Variants in DIXDC1 observed in about 807,000 individuals in gnomAD.
DIXDC1 encodes the protein dixin.
Under a neutral mutation model 103.1 loss-of-function variants are expected in DIXDC1, and 64 were observed. The observed-to-expected ratio is 0.62, with a 90% CI of 0.51 to 0.76. The LOEUF is 0.76. Among genes scored for constraint, DIXDC1 ranks in the 30% least tolerant of loss-of-function variants. The probability of loss-of-function intolerance (pLI) is 0.00; values close to 1 mark genes in which losing one functional copy is unlikely to be tolerated. For synonymous variants in DIXDC1, 266 were observed against 298.5 expected (o/e 0.89, Z 1.12); for missense variants, 759 against 834.2 (o/e 0.91, Z 1.11).
intron 9 of DIXDC1, among the ~76,000 whole-genome samples, chr11:111,987,384 G>A (rs587647780): frequency 6.6e-6 from 1 of 152,024 alleles, no homozygotes; most frequent in Non-Finnish European, 1.5e-5. Flanking sequence ...TGTCAGGAAG[G>A]TAATAACTTT....
chr11:111,980,246 A>G (rs1366888474), intron 5 of DIXDC1, among the ~76,000 whole-genome samples: 1 of 152,178 alleles, frequency 6.6e-6, no homozygotes, highest in Non-Finnish European at 1.5e-5. Flanking sequence ...TGATCAGCTC[A>G]GAGCTGATCT....
intron 19 of DIXDC1, among the ~76,000 whole-genome samples, chr11:112,018,535 A>G (rs1555178042): frequency 6.6e-6 from 1 of 152,224 alleles, no homozygotes; most frequent in Non-Finnish European, 1.5e-5. Flanking sequence ...GGCTTAGGAA[A>G]TGAGTTGAAT....
At position 111,964,635 on chromosome 11, in the gene DIXDC1, T is replaced by A. The variant is rs1859670562; in HGVS notation, c.147T>A (p.Asp49Glu). ...AGCCTGTGCAGGACCTGCGACAAGA[T>A]CTCCGGGATGGGGTGATCCTGGCAT... ...AVKPVQDLRQ[D>E]LRDGVILAYL... is the part of the protein sequence containing the mutation. Residue 49 changes from aspartate (D) to glutamate (E), a missense_variant, in exon 2 of 20, where the codon GAT (aspartate) becomes GAA (glutamate). By Grantham distance (45) the Asp-to-Glu change is conservative (BLOSUM62 2). Coordinates refer to ENST00000440460, the MANE Select transcript of DIXDC1 (RefSeq NM_001037954.4). 1 of 1,612,284 alleles carries A rather than the reference T, an allele frequency of 6.2e-7. No individual in the cohort carries two copies. The highest frequency in any genetic ancestry group is 1.3e-5 in the African/African-American group (1 of 74,976).
intron 17 of DIXDC1, among the ~76,000 whole-genome samples, chr11:112,008,870 G>A (rs587659565): frequency 4.3e-4 from 65 of 152,240 alleles, no homozygotes; most frequent in African/African-American, 1.4e-3. Flanking sequence ...ATCTAAAATC[G>A]ACACCTTAAC....
chr11:111,943,410 C>T lies in DIXDC1; in HGVS notation c.60+5851C>T, dbSNP rs181165888. ...CCACCTGCCTCAGCCTCCCAAAATG[C>T]TGGGATTACAGGCATGAACCACCGC... is the stretch of plus-strand genomic sequence containing the variant. On this transcript the variant is annotated intron_variant, in intron 1 of 19. Transcript: ENST00000440460. Among the ~76,000 whole-genome samples, 486 of 151,782 alleles carry T rather than the reference C, an allele frequency of 3.2e-3. 4 individuals are homozygous for T. Among genetic ancestry groups the T allele is most frequent in the Non-Finnish European group, 5.6e-3 (383 of 67,920 alleles).
chr11:111,962,071 A>G (rs1371777013), intron 1 of DIXDC1, among the ~76,000 whole-genome samples: 2 of 152,110 alleles, frequency 1.3e-5, no homozygotes. Flanking sequence ...CAGTGCCTCA[A>G]ATTATTGTTG....
chr11:112,019,021 C>G lies in DIXDC1; in HGVS notation c.2037C>G (p.Asp679Glu), dbSNP rs147021950. 2 of 1,612,454 alleles carry G rather than the reference C, an allele frequency of 1.2e-6. No individual in the cohort carries two copies. Among genetic ancestry groups the G allele is most frequent in the East Asian group, 4.5e-5 (2 of 44,858 alleles). The change falls in exon 20 of 20, where the codon GAC (aspartate) becomes GAG (glutamate). Residue 679 changes from aspartate to glutamate, a missense_variant. Physicochemically the swap from Asp to Glu is conservative, Grantham distance 45. Around this residue, in one of 3 missense-constraint regions of DIXDC1, gnomAD observed 657 missense variants for 727.5 expected, o/e 0.90. Transcript: ENST00000440460. Reference sequence around the variant, plus strand: ...AAATTGTAGCTTGGGTGGAAGAAGACCATGGAGAGAATTAATGCCAAGTAT... The same window carrying G: ...AAATTGTAGCTTGGGTGGAAGAAGAGCATGGAGAGAATTAATGCCAAGTAT... Reference protein sequence around the residue: ...EGKIVAWVEEDHGEN With the variant: ...EGKIVAWVEEEHGEN
rs1162842525 is a variant in DIXDC1, at chr11:111,993,008, A to T, written c.1272+4A>T. The T allele has an allele frequency of 6.3e-7, 1 of 1,599,752 alleles. No individual in the cohort carries two copies. Among genetic ancestry groups the T allele is most frequent in the East Asian group, 2.2e-5 (1 of 44,612 alleles). On this transcript the variant is annotated splice_donor_region_variant and intron_variant, in intron 12 of 19. Transcript: ENST00000440460. ...CCGGCTCTTGGGAGAATATAAAGTA[A>T]GAATGAATATCAGTTTGGAAATGAC...
intron 17 of DIXDC1, among the ~76,000 whole-genome samples, chr11:112,012,389 C>T (rs1165517226): frequency 6.6e-6 from 1 of 152,086 alleles, no homozygotes; most frequent in East Asian, 1.9e-4. Flanking sequence ...AGTGGAACAG[C>T]ATAGAGTTAA....
At chr11:111,937,001 GTGTGTATGTGTGTA>G (rs1966211092), upstream of DIXDC1, among the ~76,000 whole-genome samples, 1 of 151,524 alleles carries the variant, frequency 6.6e-6, no homozygotes, top group Non-Finnish European at 1.5e-5. Flanking sequence ...GTGTGTGTAT[GTGTGTATGTGTGTA>G]TGTGTGTGTG....
chr11:112,018,159 C>T (rs587712902), intron 19 of DIXDC1, among the ~76,000 whole-genome samples: 4 of 152,232 alleles, frequency 2.6e-5, no homozygotes, highest in African/African-American at 9.6e-5. Flanking sequence ...AAATAAAGAA[C>T]CTAAGACAAT....
intron 3 of DIXDC1, among the ~76,000 whole-genome samples, chr11:111,969,331 T>C (rs1174625203): frequency 2.6e-5 from 4 of 152,162 alleles, no homozygotes; most frequent in Non-Finnish European, 4.4e-5. Context: ...ATTTAAGTTA[T>C]CAAAAATGAA....
chr11:112,001,147 A>T (rs1468989957), intron 17 of DIXDC1, among the ~76,000 whole-genome samples: 4 of 152,234 alleles, frequency 2.6e-5, no homozygotes, highest in Non-Finnish European at 5.9e-5. Context: ...CCATGCTACA[A>T]CGTGGATGAA....
intron 7 of DIXDC1, among the ~76,000 whole-genome samples, chr11:111,984,492 C>T (rs1555173610): frequency 3.3e-5 from 5 of 152,076 alleles, no homozygotes; most frequent in Admixed American, 6.6e-5. Context: ...GAGCCAAAAT[C>T]GGGCCACCGC....
At chr11:111,993,439 G>T in intron 12 of DIXDC1, 57 bp from the exon 13 acceptor site, 1 of 1,591,682 alleles carries the variant, frequency 6.3e-7, no homozygotes, top group East Asian at 2.2e-5. Context: ...TGCAGAGGGT[G>T]AACTTTTCAG....
chr11:111,993,773 T>C, intron 14 of DIXDC1, 33 bp downstream of exon 14: 1 of 1,609,494 alleles, frequency 6.2e-7, no homozygotes, highest in Non-Finnish European at 8.5e-7. Flanking sequence ...CCTCCCACAT[T>C]TATGAAGCAA....
intron 17 of DIXDC1, among the ~76,000 whole-genome samples, chr11:112,011,084 A>G (rs1325568587): frequency 1.3e-5 from 2 of 152,218 alleles, no homozygotes; most frequent in African/African-American, 4.8e-5. Flanking sequence ...AGAGTCTACA[A>G]AGAACTTAAA....
intron 8 of DIXDC1, 79 bp downstream of exon 8, chr11:111,985,400 G>C (rs769960728): frequency 4.4e-6 from 5 of 1,143,626 alleles, no homozygotes; most frequent in Middle Eastern, 1.9e-4. Flanking sequence ...TGCTGTTCAT[G>C]CCTTCTTGAA....
chr11:111,970,759 A>G (rs368902423), intron 3 of DIXDC1, among the ~76,000 whole-genome samples: 1 of 152,320 alleles, frequency 6.6e-6, no homozygotes, highest in African/African-American at 2.4e-5. Context: ...ACAACATGGT[A>G]CTGGTATAAA....
Sources: allele counts gnomAD v4.1 joint callset (sites outside exome capture counted in the v4.1 genomes callset), GRCh38; gene constraint gnomAD v4.1.1; regional missense constraint gnomAD v4.1.1; transcripts MANE v1.5; gene names NCBI Gene and HGNC (gene_info 2026-07-23, HGNC 2026-07-21).